GPC6: variants seen among roughly 807,000 people sequenced by gnomAD.
GPC6 encodes the protein glypican-6.
In GPC6, 14 loss-of-function variants were observed where a neutral mutation model predicts 55.2. The ratio of observed to expected loss-of-function variants is 0.25; its 90% CI spans 0.17 to 0.40. The LOEUF is 0.40. Among genes scored for constraint, GPC6 ranks in the 10% least tolerant of loss-of-function variants. GPC6 has a pLI of 1.00. For synonymous variants in GPC6, 278 were observed against 259.6 expected (o/e 1.07, Z -0.68); for missense variants, 641 against 708.5 (o/e 0.90, Z 1.08).
intron 2 of GPC6, among the ~76,000 whole-genome samples, chr13:93,716,480 T>G (rs1883258546): frequency 6.6e-6 from 1 of 151,378 alleles, no homozygotes; most frequent in Admixed American, 6.6e-5. Flanking sequence ...GTGTTGTAGT[T>G]TTTAACAAAA....
At chr13:93,999,000 AC>A (rs1168581865) in intron 3 of GPC6, among the ~76,000 whole-genome samples, 1 of 152,278 alleles carries the variant, frequency 6.6e-6, no homozygotes, top group African/African-American at 2.4e-5. Context: ...ACTGCTGGTA[AC>A]CATCATTCTA....
At chr13:93,428,327 A>G (rs898485988) in intron 1 of GPC6, among the ~76,000 whole-genome samples, 1 of 152,164 alleles carries the variant, frequency 6.6e-6, no homozygotes, top group Non-Finnish European at 1.5e-5. Flanking sequence ...AGCAGGTATT[A>G]AAGTGTGGAC....
intron 4 of GPC6, among the ~76,000 whole-genome samples, chr13:94,032,962 A>T (rs1883197112): frequency 6.6e-6 from 1 of 152,214 alleles, no homozygotes; most frequent in South Asian, 2.1e-4. Flanking sequence ...ACACATGTTT[A>T]CTAAGTGCCT....
At chr13:94,108,468 A>C (rs1229843256) in intron 4 of GPC6, among the ~76,000 whole-genome samples, 1 of 152,146 alleles carries the variant, frequency 6.6e-6, no homozygotes, top group Non-Finnish European at 1.5e-5. Flanking sequence ...AAATCTCACA[A>C]ATCACCACTA....
At chr13:93,414,296 C>G (rs1323987) in intron 1 of GPC6, among the ~76,000 whole-genome samples, 46,226 of 152,120 alleles carry the variant, frequency 0.3, 9,111 homozygotes, top group Non-Finnish European at 0.45. Context: ...GCTTCATTCT[C>G]CATCAATTCT....
At chr13:94,034,683 T>G (rs17195897) in intron 4 of GPC6, among the ~76,000 whole-genome samples, 20,934 of 152,024 alleles carry the variant, frequency 0.14, 1,818 homozygotes, top group South Asian at 0.27. Flanking sequence ...TTATTTCTAG[T>G]TCCTGTACAC....
chr13:93,304,330 C>T, intron 1 of GPC6, among the ~76,000 whole-genome samples: 1 of 152,150 alleles, frequency 6.6e-6, no homozygotes, highest in Admixed American at 6.5e-5. Flanking sequence ...TCAGTGCAGC[C>T]AGCGCGAGGT....
intron 2 of GPC6, among the ~76,000 whole-genome samples, chr13:93,657,204 A>G (rs1276500546): frequency 6.6e-6 from 1 of 152,150 alleles, no homozygotes; most frequent in Non-Finnish European, 1.5e-5. Context: ...AAACTATACT[A>G]CAAGGTGATA....
intron 1 of GPC6, among the ~76,000 whole-genome samples, chr13:93,301,512 T>C (rs1197478688): frequency 1.3e-5 from 2 of 152,172 alleles, no homozygotes; most frequent in African/African-American, 4.8e-5. Context: ...CAGTTGTTGA[T>C]GTTAGTTAAT....
intron 1 of GPC6, among the ~76,000 whole-genome samples, chr13:93,229,737 A>C (rs1448579497): frequency 6.6e-6 from 1 of 151,578 alleles, no homozygotes; most frequent in East Asian, 1.9e-4. Context: ...AAACTCACCT[A>C]CTTTCCATGA....
intron 4 of GPC6, among the ~76,000 whole-genome samples, chr13:94,097,455 G>A (rs191847596): frequency 4.0e-5 from 6 of 148,470 alleles, no homozygotes; most frequent in East Asian, 3.9e-4. Flanking sequence ...TGCAGTGAGC[G>A]GAGATCGCGC....
chr13:94,165,793 T>C (rs1196652201), intron 4 of GPC6, among the ~76,000 whole-genome samples: 1 of 152,182 alleles, frequency 6.6e-6, no homozygotes, highest in East Asian at 1.9e-4. Context: ...CAAAATTATA[T>C]ATTAGATCAG....
intron 1 of GPC6, among the ~76,000 whole-genome samples, chr13:93,254,197 G>A (rs1218333910): frequency 1.3e-5 from 2 of 152,074 alleles, no homozygotes; most frequent in South Asian, 2.1e-4. Context: ...GTGGTGGCAT[G>A]TGCCTGTAGT....
Position 94,399,512 on chromosome 13 carries a change from G to A in GPC6, c.1465+871G>A, listed in dbSNP as rs117492643. Among the ~76,000 whole-genome samples the A allele has an allele frequency of 1.4e-3, 215 of 152,264 alleles. 2 individuals carry two copies. The East Asian group carries it at 0.026, about 19-fold the overall frequency. Reference sequence around the variant, plus strand: ...TTACAAAGAGAATTCCCAGGACAAGGATTCTTGAACATAAGATGTGAAGTT... The same window carrying A: ...TTACAAAGAGAATTCCCAGGACAAGAATTCTTGAACATAAGATGTGAAGTT... On this transcript the variant is annotated intron_variant, in intron 8 of 8. Transcript: ENST00000377047.
chr13:94,120,081 A>T (rs1886572522), intron 4 of GPC6, among the ~76,000 whole-genome samples: 1 of 152,042 alleles, frequency 6.6e-6, no homozygotes, highest in Non-Finnish European at 1.5e-5. Flanking sequence ...ATGTTTATGT[A>T]ATTTAATTTT....
chr13:93,718,706 C>T (rs779046718), intron 2 of GPC6, among the ~76,000 whole-genome samples: 5 of 151,988 alleles, frequency 3.3e-5, no homozygotes, highest in African/African-American at 4.8e-5. Flanking sequence ...ATGGTATTGC[C>T]TAGGTTTTCT....
intron 2 of GPC6, among the ~76,000 whole-genome samples, chr13:93,814,184 C>T (rs564601054): frequency 2.6e-5 from 4 of 152,160 alleles, no homozygotes; most frequent in Admixed American, 2.6e-4. Context: ...TGAGGAATTG[C>T]TTTTATTCCT....
chr13:93,733,860 G>A (rs1194888666), intron 2 of GPC6, among the ~76,000 whole-genome samples: 1 of 152,198 alleles, frequency 6.6e-6, no homozygotes, highest in African/African-American at 2.4e-5. Flanking sequence ...CAGGTTCACT[G>A]TGCTTAGGAA....
At chr13:94,392,114 A>C (rs1163408295) in intron 7 of GPC6, among the ~76,000 whole-genome samples, 1 of 152,184 alleles carries the variant, frequency 6.6e-6, no homozygotes, top group African/African-American at 2.4e-5. Flanking sequence ...ATATCTGCTC[A>C]AGTCCTTGCC....
Sources: gnomAD v4.1 joint callset for allele counts (sites outside exome capture counted in the v4.1 genomes callset) on GRCh38, gnomAD v4.1.1 for gene constraint, MANE v1.5 for transcripts, NCBI Gene and HGNC (gene_info 2026-07-23, HGNC 2026-07-21) for gene names.